NELL1: variants seen among roughly 807,000 people sequenced by gnomAD.
NELL1 encodes the protein protein kinase C-binding protein NELL1.
In NELL1, 76 loss-of-function variants were observed where a neutral mutation model predicts 107.4. That is an observed-to-expected ratio of 0.71 (90% CI 0.59 to 0.86). The LOEUF (loss-of-function observed/expected upper bound fraction) is 0.86. Ranked by LOEUF, NELL1 falls within the 40% of genes least tolerant of loss-of-function variation. The probability of loss-of-function intolerance (pLI) is 0.00; values close to 1 mark genes in which losing one functional copy is unlikely to be tolerated. For synonymous variants in NELL1, 353 were observed against 341.2 expected, an observed-to-expected ratio of 1.03 and a Z score of -0.38; for missense variants, 1,024 against 1,005.5, an observed-to-expected ratio of 1.02 and a Z score of -0.25.
At chr11:21,025,122 G>A (rs1355635273) in intron 12 of NELL1, among the ~76,000 whole-genome samples, 1 of 151,994 alleles carries the variant, frequency 6.6e-6, no homozygotes, top group African/African-American at 2.4e-5. Context: ...TGTTGGTTAG[G>A]TTGTTATCCT....
chr11:21,303,109 TATATCTATCTTCTG>T (rs1849532187), intron 14 of NELL1, among the ~76,000 whole-genome samples: 1 of 135,532 alleles, frequency 7.4e-6, no homozygotes, highest in South Asian at 2.4e-4. Flanking sequence ...TATCTATATC[TATATCTATCTTCTG>T]TCTATCTATA....
At chr11:21,404,473 T>C (rs1852186902) in intron 15 of NELL1, among the ~76,000 whole-genome samples, 1 of 151,970 alleles carries the variant, frequency 6.6e-6, no homozygotes, top group Non-Finnish European at 1.5e-5. Context: ...TTTTGCTTCA[T>C]AGATTTCTAG....
At chr11:20,766,026 T>C (rs932491503) in intron 2 of NELL1, among the ~76,000 whole-genome samples, 11 of 152,148 alleles carry the variant, frequency 7.2e-5, no homozygotes, top group Non-Finnish European at 1.6e-4. Context: ...TTGAAGGGTT[T>C]TGAACAAGGC....
At chr11:21,095,568 G>A (rs1215667765) in intron 12 of NELL1, among the ~76,000 whole-genome samples, 2 of 152,182 alleles carry the variant, frequency 1.3e-5, no homozygotes, top group Admixed American at 1.3e-4. Context: ...GGCTGGGGAG[G>A]CCTCACAATC....
At chr11:21,030,050 A>G (rs577601421) in intron 12 of NELL1, among the ~76,000 whole-genome samples, 2 of 152,336 alleles carry the variant, frequency 1.3e-5, no homozygotes, top group Admixed American at 6.5e-5. Context: ...ATCACGATAT[A>G]TTAGATGATA....
chr11:21,253,815 T>C lies in NELL1; in HGVS notation c.1549+24361T>C, dbSNP rs190630346. 3.3e-5 allele frequency among the ~76,000 whole-genome samples: 5 copies of C among 152,180 alleles called. No homozygotes were observed. In the East Asian group the frequency reaches 9.7e-4, roughly 29 times the overall value. ...AAACAAAAAAACACAGCTTCTGCCA[T>C]TGAAGAGATTATAATTTTGTGAGGG... On this transcript the variant is annotated intron_variant, in intron 14 of 19. Transcript: ENST00000357134.
intron 13 of NELL1, among the ~76,000 whole-genome samples, chr11:21,128,522 A>G (rs1353944179): frequency 6.6e-6 from 1 of 152,206 alleles, no homozygotes; most frequent in Non-Finnish European, 1.5e-5. Context: ...GAAGTGTTGA[A>G]GAAATGTGCC....
Position 21,038,647 on chromosome 11 carries a change from T to C in NELL1, c.1301-74942T>C, listed in dbSNP as rs149338734. 3.9e-5 allele frequency among the ~76,000 whole-genome samples: 6 copies of C among 152,342 alleles called. No homozygotes were observed. The East Asian group carries it at 5.8e-4, about 15-fold the overall frequency. ...TGGTCTCTTACTACTCTCTCTGTGC[T>C]GTGGCCCTGTTTTATTTTCTCCATT... On this transcript the variant is annotated intron_variant, in intron 12 of 19. Transcript: ENST00000357134.
intron 5 of NELL1, among the ~76,000 whole-genome samples, chr11:20,906,746 A>G (rs1850008048): frequency 6.6e-6 from 1 of 152,094 alleles, no homozygotes; most frequent in Non-Finnish European, 1.5e-5. Context: ...AAAGCCCTAC[A>G]GGATCATCTC....
At chr11:21,380,699 T>C (rs1042308801) in intron 15 of NELL1, among the ~76,000 whole-genome samples, 3 of 152,168 alleles carry the variant, frequency 2.0e-5, no homozygotes, top group Non-Finnish European at 4.4e-5. Context: ...TCTTTCCAGG[T>C]TGCAGACATA....
chr11:21,523,782 G>A (rs1855784246), intron 15 of NELL1, among the ~76,000 whole-genome samples: 1 of 152,100 alleles, frequency 6.6e-6, no homozygotes, highest in African/African-American at 2.4e-5. Context: ...TCTCAAGGTA[G>A]TAAACTAGGA....
chr11:21,538,769 T>A (rs937936982), intron 16 of NELL1, among the ~76,000 whole-genome samples: 1 of 152,098 alleles, frequency 6.6e-6, no homozygotes, highest in African/African-American at 2.4e-5. Context: ...TAATATATAA[T>A]TAACAATGGC....
chr11:21,298,992 C>G (rs1176955857), intron 14 of NELL1, among the ~76,000 whole-genome samples: 3 of 152,024 alleles, frequency 2.0e-5, no homozygotes, highest in Non-Finnish European at 4.4e-5. Flanking sequence ...ATTACTTGAC[C>G]ATGGTTATAG....
At chr11:21,426,608 A>C (rs1852828531) in intron 15 of NELL1, among the ~76,000 whole-genome samples, 1 of 152,188 alleles carries the variant, frequency 6.6e-6, no homozygotes, top group Admixed American at 6.5e-5. Flanking sequence ...ACTTTTAAGC[A>C]AGCTCCTTCC....
chr11:21,209,916 C>T (rs994216712), intron 13 of NELL1, among the ~76,000 whole-genome samples: 5 of 152,092 alleles, frequency 3.3e-5, no homozygotes, highest in African/African-American at 1.2e-4. Flanking sequence ...CCCTTGATAA[C>T]TACTAATTTA....
rs948769378 is a variant in NELL1, at chr11:20,812,598, T to C, written c.335+28768T>C. On this transcript the variant is annotated intron_variant, in intron 3 of 19. Coordinates refer to ENST00000357134, the MANE Select transcript of NELL1 (RefSeq NM_006157.5). ...GATGGTTATTTTTAGAGAGAGCTCTTAGGTAGTTGTGCAAATAATTAATTT... is the reference window on the plus strand; with the variant it reads ...GATGGTTATTTTTAGAGAGAGCTCTCAGGTAGTTGTGCAAATAATTAATTT... Among the ~76,000 whole-genome samples the C allele has an allele frequency of 2.2e-4, 34 of 152,266 alleles. 1 individual carries two copies. The highest frequency in any genetic ancestry group is 7.0e-4 in the African/African-American group (29 of 41,554).
chr11:21,125,613 G>A (rs1855470079), intron 13 of NELL1, among the ~76,000 whole-genome samples: 1 of 152,144 alleles, frequency 6.6e-6, no homozygotes, highest in African/African-American at 2.4e-5. Flanking sequence ...TGAGTTACAG[G>A]CATTAAATGC....
intron 12 of NELL1, among the ~76,000 whole-genome samples, chr11:20,981,381 A>G (rs1216767557): frequency 6.6e-6 from 1 of 152,184 alleles, no homozygotes; most frequent in Non-Finnish European, 1.5e-5. Flanking sequence ...TGGGTATGAC[A>G]GAAAAGAGTT....
At chr11:20,905,601 C>A (rs946143761) in intron 5 of NELL1, among the ~76,000 whole-genome samples, 9 of 151,830 alleles carry the variant, frequency 5.9e-5, no homozygotes, top group Non-Finnish European at 1.2e-4. Context: ...TAAAAAGGAA[C>A]CAAACAGATA....
Sources: gnomAD v4.1 joint callset for allele counts (sites outside exome capture counted in the v4.1 genomes callset) on GRCh38, gnomAD v4.1.1 for gene constraint, MANE v1.5 for transcripts, NCBI Gene and HGNC (gene_info 2026-07-23, HGNC 2026-07-21) for gene names.